Variants in MAF observed in about 807,000 individuals in gnomAD.
MAF encodes MAF bZIP transcription factor.
A neutral mutation model predicts 22.0 loss-of-function variants in MAF; 10 were observed. The observed-to-expected ratio is 0.45, with a 90% CI of 0.28 to 0.77. The LOEUF (loss-of-function observed/expected upper bound fraction) is 0.77. Among genes scored for constraint, MAF ranks in the 30% least tolerant of loss-of-function variants. The probability of loss-of-function intolerance (pLI) is 0.12; values close to 1 mark genes in which losing one functional copy is unlikely to be tolerated. For synonymous variants in MAF, 337 were observed against 255.8 expected, an observed-to-expected ratio of 1.32 and a Z score of -3.03; for missense variants, 544 against 548.4, an observed-to-expected ratio of 0.99 and a Z score of 0.08.
At chr16:79,589,206 T>A (rs936598261), downstream of MAF, among the ~76,000 whole-genome samples, 17 of 152,108 alleles carry the variant, frequency 1.1e-4, no homozygotes, top group African/African-American at 4.1e-4. Context: ...CTGAAATTAG[T>A]GGTTTTAAAA....
At chr16:79,355,034 G>A in the MAF span, among the ~76,000 whole-genome samples, 1 of 152,100 alleles carries the variant, frequency 6.6e-6, no homozygotes, top group African/African-American at 2.4e-5. Context: ...ACCCAAGTTG[G>A]CTCAAATGTA....
At chr16:79,462,475 A>T in the MAF span, among the ~76,000 whole-genome samples, 1 of 151,928 alleles carries the variant, frequency 6.6e-6, no homozygotes, top group Non-Finnish European at 1.5e-5. Flanking sequence ...TTCTTACCCC[A>T]CCTAACAATT....
the MAF span, among the ~76,000 whole-genome samples, chr16:79,542,683 C>T: frequency 2.0e-5 from 3 of 152,156 alleles, no homozygotes; most frequent in Admixed American, 1.3e-4. Context: ...TTCTGGGGCT[C>T]GTGCACTGAT....
At chr16:79,284,700 G>T in the MAF span, among the ~76,000 whole-genome samples, 2 of 152,200 alleles carry the variant, frequency 1.3e-5, no homozygotes, top group East Asian at 3.8e-4. Flanking sequence ...TGGTGTCACA[G>T]GAAAATGTCA....
the MAF span, among the ~76,000 whole-genome samples, chr16:79,258,259 C>T: frequency 1.3e-5 from 2 of 152,148 alleles, no homozygotes; most frequent in African/African-American, 2.4e-5. Flanking sequence ...GCAGTCTGCT[C>T]GTAAAACATG....
chr16:79,461,800 G>C, the MAF span, among the ~76,000 whole-genome samples: 1 of 152,148 alleles, frequency 6.6e-6, no homozygotes, highest in Non-Finnish European at 1.5e-5. Flanking sequence ...CCCTATGTAA[G>C]CGAGACCCAT....
the MAF span, among the ~76,000 whole-genome samples, chr16:79,350,356 G>A: frequency 3.4e-4 from 52 of 152,258 alleles, no homozygotes; most frequent in Non-Finnish European, 3.4e-4. Context: ...GTCTGCCTCA[G>A]GCGAGTTCTG....
the MAF span, chr16:79,212,215 G>C: frequency 2.1e-6 from 3 of 1,435,096 alleles, no homozygotes; most frequent in East Asian, 2.5e-5. Context: ...GGAAGAAAAA[G>C]CAAGTGTTCA....
chr16:79,213,938 A>C, the MAF span, among the ~76,000 whole-genome samples: 1 of 151,882 alleles, frequency 6.6e-6, no homozygotes, highest in Non-Finnish European at 1.5e-5. Context: ...TACCTCTCTA[A>C]TCTCAACTTC....
chr16:79,221,174 C>G, the MAF span, among the ~76,000 whole-genome samples: 5 of 152,202 alleles, frequency 3.3e-5, no homozygotes, highest in African/African-American at 1.2e-4. Context: ...GCCTGGTTTG[C>G]TAAGACAGAG....
chr16:79,369,213 C>G, the MAF span, among the ~76,000 whole-genome samples: 1 of 152,184 alleles, frequency 6.6e-6, no homozygotes, highest in Non-Finnish European at 1.5e-5. Flanking sequence ...AGTAGAAAAG[C>G]TGTATTCATT....
the MAF span, among the ~76,000 whole-genome samples, chr16:79,335,835 T>C: frequency 6.6e-6 from 1 of 152,094 alleles, no homozygotes; most frequent in East Asian, 1.9e-4. Context: ...TCCCTTTTGC[T>C]CAGAGGGGAC....
At chr16:79,491,203 C>G in the MAF span, among the ~76,000 whole-genome samples, 8 of 152,274 alleles carry the variant, frequency 5.3e-5, no homozygotes, top group East Asian at 1.4e-3. Flanking sequence ...CGGCTGAAAA[C>G]AGCAGTGAGG....
At chr16:79,294,883 A>C in the MAF span, among the ~76,000 whole-genome samples, 1 of 152,236 alleles carries the variant, frequency 6.6e-6, no homozygotes, top group Non-Finnish European at 1.5e-5. Context: ...TGAACTGCTC[A>C]GCTGGCATTC....
chr16:79,233,281 G>T, the MAF span, among the ~76,000 whole-genome samples: 1 of 151,992 alleles, frequency 6.6e-6, no homozygotes, highest in Non-Finnish European at 1.5e-5. Context: ...CCTAATACAG[G>T]TTGTGTTCAA....
At chr16:79,439,993 T>A in the MAF span, among the ~76,000 whole-genome samples, 3 of 152,194 alleles carry the variant, frequency 2.0e-5, no homozygotes, top group African/African-American at 7.2e-5. Context: ...TTCACTGAGG[T>A]CCCTATTTAC....
At chr16:79,509,046 A>G in the MAF span, among the ~76,000 whole-genome samples, 1 of 152,210 alleles carries the variant, frequency 6.6e-6, no homozygotes, top group African/African-American at 2.4e-5. Flanking sequence ...AATAATAACT[A>G]TAATTCATGA....
the MAF span, among the ~76,000 whole-genome samples, chr16:79,490,534 G>C: frequency 4.6e-5 from 7 of 152,118 alleles, no homozygotes; most frequent in African/African-American, 1.7e-4. Context: ...GAAAGAGACA[G>C]ATCTATATGC....
At chr16:79,209,171 G>A in the MAF span, among the ~76,000 whole-genome samples, 4 of 152,160 alleles carry the variant, frequency 2.6e-5, no homozygotes, top group Admixed American at 6.5e-5. Context: ...ATGGCTCTCA[G>A]CATTGTAGCC....
Sources: allele counts gnomAD v4.1 joint callset (sites outside exome capture counted in the v4.1 genomes callset), GRCh38; gene constraint gnomAD v4.1.1; transcripts MANE v1.5; gene names NCBI Gene and HGNC (gene_info 2026-07-23, HGNC 2026-07-21).